Variants in TBC1D5 observed in about 807,000 individuals in gnomAD.
The protein encoded by TBC1D5 is TBC1 domain family, member 5.
Under a neutral mutation model 100.3 loss-of-function variants are expected in TBC1D5, and 75 were observed. That is an observed-to-expected ratio of 0.75 (90% CI 0.62 to 0.91). TBC1D5 has a LOEUF of 0.91. Ranked by LOEUF, TBC1D5 falls within the 40% of genes least tolerant of loss-of-function variation. The pLI is 0.00. For synonymous variants in TBC1D5, 323 were observed against 325.6 expected (o/e 0.99, Z 0.09); for missense variants, 910 against 942.4 (o/e 0.97, Z 0.45).
intron 4 of TBC1D5, among the ~76,000 whole-genome samples, chr3:17,424,259 A>G (rs1332304007): frequency 6.6e-6 from 1 of 152,230 alleles, no homozygotes; most frequent in East Asian, 1.9e-4. Flanking sequence ...AGCTAAACAG[A>G]TTAATGTAAT....
chr3:17,480,235 G>C (rs898759817), intron 3 of TBC1D5, among the ~76,000 whole-genome samples: 1 of 138,232 alleles, frequency 7.2e-6, no homozygotes, highest in Non-Finnish European at 1.5e-5. Context: ...GCATGTGCCT[G>C]CAAGCACCCC....
chr3:17,592,057 T>C (rs188862400), intron 2 of TBC1D5, among the ~76,000 whole-genome samples: 149 of 152,364 alleles, frequency 9.8e-4, no homozygotes, highest in African/African-American at 3.4e-3. Context: ...ACACATCTCC[T>C]GGTACATGGT....
At position 17,413,279 on chromosome 3, in the gene TBC1D5, G is replaced by C. The variant is rs566375151; in HGVS notation, c.168-6753C>G. Among the ~76,000 whole-genome samples, 4 of 152,296 alleles carry C rather than the reference G, an allele frequency of 2.6e-5. No homozygotes were observed. In the East Asian group the frequency reaches 7.7e-4, roughly 29 times the overall value. On this transcript the variant is annotated intron_variant, in intron 4 of 21. Coordinates refer to ENST00000253692, the Ensembl canonical transcript of TBC1D5. ...GAAGCACCATGCTGAGAAGGACTCT[G>C]AGCTTACTGGTGTGCTCCTCAGGAA...
At chr3:17,701,276 C>T (rs994250222) in intron 1 of TBC1D5, among the ~76,000 whole-genome samples, 11 of 151,848 alleles carry the variant, frequency 7.2e-5, no homozygotes, top group African/African-American at 2.7e-4. Flanking sequence ...GGGACCTGAA[C>T]GAGATCACTT....
intron 15 of TBC1D5, among the ~76,000 whole-genome samples, chr3:17,285,745 A>G (rs2081122346): frequency 1.3e-5 from 2 of 152,186 alleles, no homozygotes; most frequent in Non-Finnish European, 2.9e-5. Context: ...GTATAGTGAG[A>G]TTTCTTGGAA....
chr3:17,253,013 C>G (rs1328390665), intron 16 of TBC1D5, among the ~76,000 whole-genome samples: 1 of 152,182 alleles, frequency 6.6e-6, no homozygotes, highest in African/African-American at 2.4e-5. Flanking sequence ...AGCACAGCGT[C>G]TGGCACTGTG....
At chr3:17,285,255 T>C in intron 15 of TBC1D5, among the ~76,000 whole-genome samples, 1 of 42,610 alleles carries the variant, frequency 2.3e-5, no homozygotes, top group African/African-American at 1.1e-4. Flanking sequence ...ATTCTTTTTT[T>C]TTTTTTTTTT....
intron 19 of TBC1D5, among the ~76,000 whole-genome samples, chr3:17,168,536 T>A (rs1222620502): frequency 6.6e-6 from 1 of 152,168 alleles, no homozygotes; most frequent in Non-Finnish European, 1.5e-5. Context: ...CTTTCCCTGC[T>A]TTCATGTGCC....
intron 2 of TBC1D5, among the ~76,000 whole-genome samples, chr3:17,602,502 A>C (rs1442271102): frequency 6.6e-6 from 1 of 151,792 alleles, no homozygotes; most frequent in Non-Finnish European, 1.5e-5. Flanking sequence ...TCTAAATGAC[A>C]ACTCCTAGAC....
chr3:17,688,021 T>C (rs1234956160), intron 1 of TBC1D5, among the ~76,000 whole-genome samples: 2 of 152,086 alleles, frequency 1.3e-5, no homozygotes, highest in Non-Finnish European at 2.9e-5. Flanking sequence ...TGCAAATTAA[T>C]GAAAATGAAG....
intron 2 of TBC1D5, among the ~76,000 whole-genome samples, chr3:17,544,652 A>G (rs76593031): frequency 7.0e-6 from 1 of 143,554 alleles, no homozygotes; most frequent in African/African-American, 2.8e-5. Flanking sequence ...CTCCGTCTGA[A>G]AAAAAAAAAA....
At chr3:17,422,986 C>A (rs116699782) in intron 4 of TBC1D5, among the ~76,000 whole-genome samples, 3,404 of 152,130 alleles carry the variant, frequency 0.022, 121 homozygotes, top group African/African-American at 0.077. Context: ...CAGGAAAAGA[C>A]AACTTTTAGA....
intron 2 of TBC1D5, among the ~76,000 whole-genome samples, chr3:17,611,548 TCAGCAATG>T (rs2061669329): frequency 6.6e-6 from 1 of 152,142 alleles, no homozygotes; most frequent in African/African-American, 2.4e-5. Flanking sequence ...GAAGGCATGA[TCAGCAATG>T]CTGAATGATA....
intron 9 of TBC1D5, 38 bp downstream of exon 9, chr3:17,383,875 T>C (rs199531493): frequency 4.0e-6 from 6 of 1,518,610 alleles, no homozygotes; most frequent in South Asian, 1.2e-5. Flanking sequence ...TAGAAAATTT[T>C]GAGTCAATGG....
At chr3:17,704,865 G>A (rs867154651) in intron 1 of TBC1D5, among the ~76,000 whole-genome samples, 1,323 of 97,510 alleles carry the variant, frequency 0.014, 8 homozygotes, top group African/African-American at 0.056. Flanking sequence ...GCGGCTGGCC[G>A]GGCGGGGGGC....
intron 1 of TBC1D5, among the ~76,000 whole-genome samples, chr3:17,727,965 A>G (rs987761280): frequency 2.6e-5 from 4 of 152,364 alleles, no homozygotes; most frequent in Admixed American, 1.3e-4. Context: ...CTCTAAGAAC[A>G]TAACAATATT....
chr3:17,712,379 A>G (rs1414087963), intron 1 of TBC1D5, among the ~76,000 whole-genome samples: 2 of 152,186 alleles, frequency 1.3e-5, no homozygotes, highest in East Asian at 3.8e-4. Flanking sequence ...TGCATCTCTC[A>G]GGGACTTCAG....
intron 1 of TBC1D5, among the ~76,000 whole-genome samples, chr3:17,710,684 T>C (rs1399321501): frequency 6.6e-6 from 1 of 151,548 alleles, no homozygotes; most frequent in Non-Finnish European, 1.5e-5. Flanking sequence ...ATTTATTTTA[T>C]TTATTTATTT....
chr3:17,500,354 T>C (rs758124064), intron 3 of TBC1D5, among the ~76,000 whole-genome samples: 3 of 149,246 alleles, frequency 2.0e-5, no homozygotes, highest in Non-Finnish European at 2.9e-5. Flanking sequence ...CTCAACACAA[T>C]GTAAGAACAT....
Sources: allele counts gnomAD v4.1 joint callset (sites outside exome capture counted in the v4.1 genomes callset), GRCh38; gene constraint gnomAD v4.1.1; transcripts MANE v1.5; gene names NCBI Gene and HGNC (gene_info 2026-07-23, HGNC 2026-07-21).